Variants in ARHGAP10 observed in about 807,000 individuals in gnomAD.
ARHGAP10 encodes Rho GTPase activating protein 10, also known as rho GTPase-activating protein 10.
Under a neutral mutation model 108.6 loss-of-function variants are expected in ARHGAP10, and 87 were observed. The ratio of observed to expected loss-of-function variants is 0.80; its 90% CI spans 0.67 to 0.96. The LOEUF (loss-of-function observed/expected upper bound fraction) is 0.96, where lower values mean the gene tolerates loss of function less well. Among genes scored for constraint, ARHGAP10 ranks in the 40% least tolerant of loss-of-function variants. The pLI is 0.00. For synonymous variants in ARHGAP10, 347 were observed against 341.1 expected (o/e 1.02, Z -0.19); for missense variants, 939 against 954.5 (o/e 0.98, Z 0.21).
intron 11 of ARHGAP10, among the ~76,000 whole-genome samples, chr4:147,909,029 C>T (rs1415287781): frequency 6.6e-5 from 10 of 152,202 alleles, no homozygotes. Context: ...ACAAGACTGC[C>T]TGAGTTCAGG....
intron 12 of ARHGAP10, among the ~76,000 whole-genome samples, chr4:147,911,706 A>G (rs1328745810): frequency 6.6e-6 from 1 of 152,230 alleles, no homozygotes; most frequent in Non-Finnish European, 1.5e-5. Context: ...CATTAAGGAT[A>G]TACAGATATG....
chr4:147,819,273 A>G (rs1226603406), intron 1 of ARHGAP10, among the ~76,000 whole-genome samples: 1 of 152,236 alleles, frequency 6.6e-6, no homozygotes. Flanking sequence ...ATGGAAGACT[A>G]TATAGCTTAT....
intron 19 of ARHGAP10, among the ~76,000 whole-genome samples, chr4:148,039,917 T>C (rs1367661486): frequency 6.6e-6 from 1 of 152,226 alleles, no homozygotes; most frequent in African/African-American, 2.4e-5. Context: ...CTATTCTCTA[T>C]ATTACAAATC....
chr4:147,850,581 G>A (rs911083245), intron 4 of ARHGAP10, among the ~76,000 whole-genome samples: 40 of 152,158 alleles, frequency 2.6e-4, no homozygotes, highest in Admixed American at 2.3e-3. Context: ...GCAAGACCAC[G>A]AACCCACCAG....
chr4:148,051,765 A>G (rs1283195689), intron 20 of ARHGAP10, among the ~76,000 whole-genome samples: 2 of 152,190 alleles, frequency 1.3e-5, no homozygotes, highest in Admixed American at 6.5e-5. Context: ...ATTTGTGCCT[A>G]CTCAGACTTG....
chr4:147,936,414 C>T (rs1479216292), intron 13 of ARHGAP10, among the ~76,000 whole-genome samples: 2 of 149,382 alleles, frequency 1.3e-5, no homozygotes, highest in South Asian at 2.1e-4. Flanking sequence ...CTGCAAGCTC[C>T]GCTTCCCGGG....
intron 19 of ARHGAP10, among the ~76,000 whole-genome samples, chr4:148,034,964 C>G (rs1390660474): frequency 1.3e-5 from 2 of 152,152 alleles, no homozygotes; most frequent in Non-Finnish European, 2.9e-5. Context: ...TAGAGTAAAG[C>G]AATTTGCTTT....
intron 7 of ARHGAP10, among the ~76,000 whole-genome samples, chr4:147,867,863 C>CAAA (rs56740685): frequency 5.3e-5 from 3 of 56,880 alleles, no homozygotes; most frequent in African/African-American, 1.2e-4. Context: ...GACTCTGTCT[C>CAAA]AAAAAAAAAA....
At chr4:148,049,651 C>T (rs1388732762) in intron 20 of ARHGAP10, among the ~76,000 whole-genome samples, 1 of 152,100 alleles carries the variant, frequency 6.6e-6, no homozygotes, top group Non-Finnish European at 1.5e-5. Context: ...TCTGCTGATA[C>T]TTATTATTTG....
intron 1 of ARHGAP10, among the ~76,000 whole-genome samples, chr4:147,812,316 C>G (rs542489242): frequency 1.3e-5 from 2 of 152,234 alleles, no homozygotes; most frequent in East Asian, 3.9e-4. Flanking sequence ...TTGAACACAG[C>G]TAGTTTTCAG....
At chr4:147,911,306 T>C (rs2060143759) in intron 12 of ARHGAP10, among the ~76,000 whole-genome samples, 1 of 152,216 alleles carries the variant, frequency 6.6e-6, no homozygotes, top group Non-Finnish European at 1.5e-5. Flanking sequence ...CAAGGATTAG[T>C]GTTACTGTTC....
At chr4:148,049,557 G>A (rs1055597166) in intron 20 of ARHGAP10, among the ~76,000 whole-genome samples, 1 of 151,934 alleles carries the variant, frequency 6.6e-6, no homozygotes, top group Admixed American at 6.6e-5. Flanking sequence ...CTATCTTAAC[G>A]GTCTAATTTA....
At chr4:147,837,088 C>T (rs1733200666) in intron 3 of ARHGAP10, among the ~76,000 whole-genome samples, 1 of 152,010 alleles carries the variant, frequency 6.6e-6, no homozygotes, top group Non-Finnish European at 1.5e-5. Context: ...TCTCTTATGT[C>T]AGGTATTAAA....
At chr4:147,812,613 T>G (rs4835457) in intron 1 of ARHGAP10, among the ~76,000 whole-genome samples, 109,189 of 152,172 alleles carry the variant, frequency 0.72, 42,909 homozygotes, top group East Asian at 0.89. Context: ...TTTCTTCTCT[T>G]CTAATATTTC....
chr4:147,911,455 C>T (rs533003756), intron 12 of ARHGAP10, among the ~76,000 whole-genome samples: 13 of 152,260 alleles, frequency 8.5e-5, no homozygotes, highest in East Asian at 3.9e-4. Context: ...CTCCGCCTCC[C>T]GGGTTCACTC....
At chr4:147,752,290 C>T (rs543058377) in intron 1 of ARHGAP10, among the ~76,000 whole-genome samples, 2 of 151,948 alleles carry the variant, frequency 1.3e-5, no homozygotes, top group South Asian at 4.1e-4. Context: ...GTAATGTCTG[C>T]AAAGCTTACT....
chr4:147,812,705 C>CT (rs1732080505), intron 1 of ARHGAP10, among the ~76,000 whole-genome samples: 1 of 152,196 alleles, frequency 6.6e-6, no homozygotes, highest in South Asian at 2.1e-4. Context: ...CAACTGTGGT[C>CT]TGAGCAGTGT....
At chr4:147,770,858 A>G (rs1387379231) in intron 1 of ARHGAP10, among the ~76,000 whole-genome samples, 2 of 152,158 alleles carry the variant, frequency 1.3e-5, no homozygotes, top group Non-Finnish European at 2.9e-5. Context: ...CTTATTTTCT[A>G]GTAATTCTGG....
chr4:147,927,551 T>C (rs1737510625), intron 13 of ARHGAP10, among the ~76,000 whole-genome samples: 1 of 152,170 alleles, frequency 6.6e-6, no homozygotes, highest in South Asian at 2.1e-4. Context: ...TGAGCAGATA[T>C]ATATTAATAG....
Sources: gnomAD v4.1 joint callset for allele counts (sites outside exome capture counted in the v4.1 genomes callset) on GRCh38, gnomAD v4.1.1 for gene constraint, MANE v1.5 for transcripts, NCBI Gene and HGNC (gene_info 2026-07-23, HGNC 2026-07-21) for gene names.